Variants in PRR33 observed in about 807,000 individuals in gnomAD.
PRR33 encodes the protein proline-rich protein 33.
A neutral mutation model predicts 0.5 loss-of-function variants in PRR33; 1 was observed. The ratio of observed to expected loss-of-function variants is 2.18; its 90% CI spans 0.77 to 10.34. The LOEUF is 10.34. Ranked by LOEUF, PRR33 falls within the 30% of genes most tolerant of loss-of-function variation. PRR33 has a pLI of 0.13. For missense variants in PRR33, 552 were observed against 251.8 expected, an observed-to-expected ratio of 2.19 and a Z score of -8.07; for synonymous variants, 226 against 110.0, an observed-to-expected ratio of 2.06 and a Z score of -6.60.
chr11:1,889,023 C>T (rs1589834761), exon 1 of PRR33: 2 of 568,672 alleles, frequency 3.5e-6, no homozygotes, highest in South Asian at 2.1e-5. Flanking sequence ...GGCTGCCCTG[C>T]ACCCCATGCC....
the PRR33 span, among the ~76,000 whole-genome samples, chr11:1,908,406 G>A: frequency 7.9e-6 from 1 of 127,118 alleles, no homozygotes; most frequent in Non-Finnish European, 1.6e-5. Context: ...GATTTTTTGT[G>A]AGAGTCAAAC....
chr11:1,903,122 C>G, the PRR33 span: 1 of 152,114 alleles, frequency 6.6e-6, no homozygotes, highest in Non-Finnish European at 1.5e-5. Flanking sequence ...AATGCCTGAC[C>G]ATGTGGGAAT....
exon 1 of PRR33, chr11:1,889,273 G>A (rs944615857): frequency 1.9e-5 from 13 of 684,450 alleles, no homozygotes; most frequent in Admixed American, 1.3e-4. Context: ...AAGCGAGGCC[G>A]GTACAGGAAG....
At chr11:1,897,040 A>G in the PRR33 span, among the ~76,000 whole-genome samples, 1 of 152,238 alleles carries the variant, frequency 6.6e-6, no homozygotes. This position sits in a 1 kb window ranked among gnomAD's most constrained non-coding sequence, Gnocchi z 4.0. Context: ...AAGGAGGCAC[A>G]GAAAACGGAA....
chr11:1,890,558 T>TGCCATCGACGCAGC, the PRR33 span: 1 of 711,684 alleles, frequency 1.4e-6, no homozygotes, highest in Non-Finnish European at 2.6e-6. Context: ...ACACCTCGGG[T>TGCCATCGACGCAGC]GCCATCGACG....
chr11:1,899,286 A>G, the PRR33 span, among the ~76,000 whole-genome samples: 1 of 152,146 alleles, frequency 6.6e-6, no homozygotes, highest in Non-Finnish European at 1.5e-5. Context: ...GAGTCTGGCG[A>G]TGCCCTCTTG....
At chr11:1,890,231 G>A (rs983964187) in exon 1 of PRR33, 1 of 716,506 alleles carries the variant, frequency 1.4e-6, no homozygotes, top group East Asian at 2.7e-5. Context: ...GGTGGATGAT[G>A]GGGGTGTGCG....
chr11:1,897,259 C>T, the PRR33 span, among the ~76,000 whole-genome samples: 1 of 152,212 alleles, frequency 6.6e-6, no homozygotes, highest in East Asian at 1.9e-4. The surrounding 1 kb of genome is among the most constrained non-coding windows in gnomAD (Gnocchi z 4.0). Context: ...TTACGCCAAG[C>T]TTAATTTAAC....
At chr11:1,915,861 G>T in the PRR33 span, among the ~76,000 whole-genome samples, 1 of 151,492 alleles carries the variant, frequency 6.6e-6, no homozygotes, top group African/African-American at 2.4e-5. Flanking sequence ...TGGATGGATG[G>T]ATAGACAGGT....
the PRR33 span, among the ~76,000 whole-genome samples, chr11:1,902,124 C>CA: frequency 7.9e-5 from 12 of 150,964 alleles, no homozygotes; most frequent in Non-Finnish European, 1.6e-4. Flanking sequence ...CCCAGCTACT[C>CA]GGGAGGCTGA....
chr11:1,916,797 C>G, the PRR33 span, among the ~76,000 whole-genome samples: 1 of 152,206 alleles, frequency 6.6e-6, no homozygotes, highest in African/African-American at 2.4e-5. Flanking sequence ...TCTGATGCAG[C>G]CTCCCGTCCA....
the PRR33 span, among the ~76,000 whole-genome samples, chr11:1,898,271 G>A: frequency 2.3e-4 from 35 of 151,226 alleles, no homozygotes; most frequent in African/African-American, 7.1e-4. Flanking sequence ...GTCTCGCTCC[G>A]TCGGCTGGAG....
chr11:1,892,512 A>G (rs1849041267), upstream of PRR33, among the ~76,000 whole-genome samples: 1 of 152,216 alleles, frequency 6.6e-6, no homozygotes, highest in Non-Finnish European at 1.5e-5. Flanking sequence ...CCCTACCCCA[A>G]CCAGGACTAG....
the PRR33 span, among the ~76,000 whole-genome samples, chr11:1,915,141 G>GTC: frequency 1.5e-5 from 2 of 137,118 alleles, no homozygotes; most frequent in East Asian, 4.2e-4. Context: ...TGATGTTTCT[G>GTC]TGTGTGTGTG....
At chr11:1,889,199 C>T (rs543124864) in exon 1 of PRR33, 33 of 673,872 alleles carry the variant, frequency 4.9e-5, no homozygotes, top group South Asian at 3.7e-4. Context: ...GCTGGGGGCT[C>T]AGCTCCAGGA....
At chr11:1,892,387 C>T (rs1464042055), upstream of PRR33, 1 of 152,262 alleles carries the variant, frequency 6.6e-6, no homozygotes, top group Non-Finnish European at 1.5e-5. Context: ...GCAGTCTGAC[C>T]TGTCTCATGG....
chr11:1,914,724 C>CTG, the PRR33 span, among the ~76,000 whole-genome samples: 344 of 128,560 alleles, frequency 2.7e-3, 2 homozygotes, highest in African/African-American at 1.0e-2. Context: ...TGATGTTGCT[C>CTG]TGTGTGTGTG....
chr11:1,888,947 G>C, exon 1 of PRR33: 1 of 506,856 alleles, frequency 2.0e-6, no homozygotes, highest in Non-Finnish European at 3.5e-6. Context: ...CGTCCTCTCT[G>C]CCCCGTCCAC....
the PRR33 span, among the ~76,000 whole-genome samples, chr11:1,913,563 C>T: frequency 6.6e-6 from 1 of 152,192 alleles, no homozygotes; most frequent in Non-Finnish European, 1.5e-5. Flanking sequence ...ACCCACTCTC[C>T]CTGACCACGT....
Sources: gnomAD v4.1 joint callset for allele counts (sites outside exome capture counted in the v4.1 genomes callset) on GRCh38, gnomAD v4.1.1 for gene constraint, Gnocchi (gnomAD v3.1) non-coding constraint, MANE v1.5 for transcripts, NCBI Gene and HGNC (gene_info 2026-07-23, HGNC 2026-07-21) for gene names.